COL5A2: variants seen among roughly 807,000 people sequenced by gnomAD.
The protein encoded by COL5A2 is collagen type V alpha 2 chain, also known as collagen alpha-2(V) chain.
Under a neutral mutation model 208.2 loss-of-function variants are expected in COL5A2, and 23 were observed. The ratio of observed to expected loss-of-function variants is 0.11; its 90% CI spans 0.08 to 0.16. The LOEUF is 0.16. COL5A2 is among the 10% of genes least tolerant of loss of function. COL5A2 has a pLI of 1.00. For synonymous variants in COL5A2, 625 were observed against 628.5 expected (o/e 0.99, Z 0.08); for missense variants, 1,590 against 1,956.4 (o/e 0.81, Z 3.53).
the COL5A2 span, among the ~76,000 whole-genome samples, chr2:189,300,465 G>C: frequency 6.6e-6 from 1 of 152,194 alleles, no homozygotes; most frequent in Non-Finnish European, 1.5e-5. Flanking sequence ...AGCAAATGTG[G>C]AGAAACAAAG....
At chr2:189,369,876 G>A in the COL5A2 span, among the ~76,000 whole-genome samples, 3 of 152,176 alleles carry the variant, frequency 2.0e-5, no homozygotes, top group African/African-American at 7.2e-5. Flanking sequence ...ACTTCAGTAT[G>A]CACTCAATTC....
intron 7 of COL5A2, among the ~76,000 whole-genome samples, chr2:189,090,213 T>C (rs986110086): frequency 6.6e-6 from 1 of 152,192 alleles, no homozygotes; most frequent in Non-Finnish European, 1.5e-5. Context: ...AAAGGTTTAG[T>C]AGTCTGGATA....
chr2:189,414,688 G>A, the COL5A2 span, among the ~76,000 whole-genome samples: 6 of 144,650 alleles, frequency 4.1e-5, no homozygotes, highest in African/African-American at 7.7e-5. Context: ...GACAGAGGTT[G>A]CATTGCAGTG....
At chr2:189,432,694 A>G in the COL5A2 span, among the ~76,000 whole-genome samples, 1 of 152,174 alleles carries the variant, frequency 6.6e-6, no homozygotes, top group African/African-American at 2.4e-5. Context: ...GTCCTTAGAG[A>G]CCTACAAAGA....
At chr2:189,191,975 T>C (rs780020831) in intron 1 of COL5A2, among the ~76,000 whole-genome samples, 2 of 152,028 alleles carry the variant, frequency 1.3e-5, no homozygotes, top group Admixed American at 6.6e-5. Context: ...CCAAAAGACA[T>C]AGCTCAAGAA....
the COL5A2 span, among the ~76,000 whole-genome samples, chr2:189,240,895 G>C: frequency 6.6e-6 from 1 of 152,130 alleles, no homozygotes; most frequent in Non-Finnish European, 1.5e-5. Flanking sequence ...ACACAAAAAT[G>C]TGTTCATAAA....
At chr2:189,054,887 AT>A (rs60485002) in intron 35 of COL5A2, among the ~76,000 whole-genome samples, 22,107 of 140,724 alleles carry the variant, frequency 0.16, 1,525 homozygotes, top group Middle Eastern at 0.21. Context: ...AGTTTTCTTC[AT>A]TTTTTTTTTT....
chr2:189,138,268 C>T (rs977335080), intron 1 of COL5A2, among the ~76,000 whole-genome samples: 2 of 152,046 alleles, frequency 1.3e-5, no homozygotes, highest in African/African-American at 4.8e-5. Flanking sequence ...GCCAATGCAC[C>T]CGGCCCGGTA....
chr2:189,234,491 T>C, the COL5A2 span, among the ~76,000 whole-genome samples: 1 of 151,820 alleles, frequency 6.6e-6, no homozygotes, highest in Non-Finnish European at 1.5e-5. Context: ...ACATAAGTAG[T>C]ATATTTTCCT....
At chr2:189,062,746 CCATA>C in intron 29 of COL5A2, 115 bp downstream of exon 29, 1 of 1,115,086 alleles carries the variant, frequency 9.0e-7, no homozygotes, top group Non-Finnish European at 1.4e-6. Flanking sequence ...TTCTTCATTC[CCATA>C]CATTCTTATT....
rs185505500 is a variant in COL5A2 at position 189,078,709 on chromosome 2, G to C, written c.1006-140C>G. 162 of 803,536 alleles carry C rather than the reference G, an allele frequency of 2.0e-4. 1 individual carries two copies. The African/African-American group carries it at 2.5e-3, about 12-fold the overall frequency. The allele number at this position is 803,536 out of a possible 1,614,324, so 49.8% of individuals were successfully genotyped here. ...TATTTCCAGGGGCAATGTTGGGTTT[G>C]AAAAACTATCCCCATGTGGAGATAA... On this transcript the variant is annotated intron_variant, in intron 15 of 53. Transcript: ENST00000374866.
At chr2:189,147,462 T>C (rs886651797) in intron 1 of COL5A2, among the ~76,000 whole-genome samples, 2 of 152,094 alleles carry the variant, frequency 1.3e-5, no homozygotes, top group African/African-American at 2.4e-5. Flanking sequence ...AAGGAGAGAA[T>C]AACTATCTTC....
At chr2:189,402,049 G>A in the COL5A2 span, among the ~76,000 whole-genome samples, 4 of 151,750 alleles carry the variant, frequency 2.6e-5, no homozygotes, top group Admixed American at 2.0e-4. Context: ...TACTTTTGTT[G>A]CACAGAAACT....
At chr2:189,364,829 C>T in the COL5A2 span, among the ~76,000 whole-genome samples, 1 of 152,068 alleles carries the variant, frequency 6.6e-6, no homozygotes, top group Non-Finnish European at 1.5e-5. Flanking sequence ...AGTCTGAGAA[C>T]AGAAAAAGAC....
chr2:189,348,382 C>A, the COL5A2 span, among the ~76,000 whole-genome samples: 1 of 151,974 alleles, frequency 6.6e-6, no homozygotes, highest in Non-Finnish European at 1.5e-5. Flanking sequence ...TGAATCTCTA[C>A]CCCAGTTATG....
At chr2:189,264,874 A>G in the COL5A2 span, among the ~76,000 whole-genome samples, 1 of 152,196 alleles carries the variant, frequency 6.6e-6, no homozygotes, top group African/African-American at 2.4e-5. Flanking sequence ...ACTTAGCTAA[A>G]TTACTGCACA....
chr2:189,399,234 T>G, the COL5A2 span, among the ~76,000 whole-genome samples: 1 of 150,916 alleles, frequency 6.6e-6, no homozygotes, highest in African/African-American at 2.5e-5. Flanking sequence ...TTGTTTATCT[T>G]AAAATATTTA....
chr2:189,344,514 C>G, the COL5A2 span, among the ~76,000 whole-genome samples: 8 of 152,156 alleles, frequency 5.3e-5, no homozygotes, highest in East Asian at 1.5e-3. Flanking sequence ...TACTGACACA[C>G]ACACATAAAC....
At chr2:189,299,706 T>C in the COL5A2 span, among the ~76,000 whole-genome samples, 1 of 152,138 alleles carries the variant, frequency 6.6e-6, no homozygotes, top group African/African-American at 2.4e-5. Context: ...GCATCCATAT[T>C]TCAGTGTTGG....
Sources: gnomAD v4.1 joint callset for allele counts (sites outside exome capture counted in the v4.1 genomes callset) on GRCh38, gnomAD v4.1.1 for gene constraint, MANE v1.5 for transcripts, NCBI Gene and HGNC (gene_info 2026-07-23, HGNC 2026-07-21) for gene names.